The following PCDHGA4 variants were observed in gnomAD, a reference collection of about 807,000 sequenced individuals.
The protein encoded by PCDHGA4 is protocadherin gamma-A4.
PCDHGA4 carries 38 observed loss-of-function variants against 54.6 expected under a neutral mutation model. That is an observed-to-expected ratio of 0.70 (90% CI 0.54 to 0.91). The LOEUF is 0.91. PCDHGA4 is among the 40% of genes least tolerant of loss of function. The pLI is 0.00. For synonymous variants in PCDHGA4, 511 were observed against 512.9 expected (o/e 1.00, Z 0.05); for missense variants, 1,298 against 1,220.9 (o/e 1.06, Z -0.94).
chr5:141,486,869 C>G lies in PCDHGA4; in HGVS notation c.2515-7938C>G. On this transcript the variant is annotated intron_variant, in intron 1 of 3. Transcript: ENST00000571252. This position sits in a 1 kb window ranked among gnomAD's most constrained non-coding sequence, Gnocchi z 5.0. ...CCTCAATGACAATGCTCCAGCTGTG[C>G]TCCGTCCTCGGGCCCGGCCTGGTTC... The G allele has an allele frequency of 6.2e-7, 1 of 1,614,246 alleles. No homozygotes were observed. The highest frequency in any genetic ancestry group is 8.5e-7 in the Non-Finnish European group (1 of 1,180,042).
intron 1 of PCDHGA4, chr5:141,408,864 C>T: frequency 1.2e-6 from 2 of 1,613,638 alleles, no homozygotes; most frequent in Non-Finnish European, 8.5e-7. Context: ...GGGGACCCAC[C>T]AAGAAGTGCC....
At chr5:141,360,897 C>A in intron 1 of PCDHGA4, 4 of 1,614,016 alleles carry the variant, frequency 2.5e-6, no homozygotes, top group Non-Finnish European at 3.4e-6. Flanking sequence ...TGAGGGAGGA[C>A]GTGCCGCCGG....
chr5:141,432,874 G>A lies in PCDHGA4; in HGVS notation c.2515-61933G>A, dbSNP rs2097545539. 2 of 1,614,176 alleles carry A rather than the reference G, an allele frequency of 1.2e-6. No homozygotes were observed. The highest frequency in any genetic ancestry group is 1.7e-6 in the Non-Finnish European group (2 of 1,180,014). Reference sequence around the variant, plus strand: ...TGGCCGCGGTCTCCTGCGTCTTCCTGGCCTTCGTCATCTTGCTGCTGGCGC... The same window carrying A: ...TGGCCGCGGTCTCCTGCGTCTTCCTAGCCTTCGTCATCTTGCTGCTGGCGC... On this transcript the variant is annotated intron_variant, in intron 1 of 3. Transcript: ENST00000571252. This position sits in a 1 kb window ranked among gnomAD's most constrained non-coding sequence, Gnocchi z 6.0.
At chr5:141,364,174 C>T in intron 1 of PCDHGA4, 6 of 816,492 alleles carry the variant, frequency 7.3e-6, no homozygotes, top group Non-Finnish European at 1.1e-5. Flanking sequence ...CCCGACTCTG[C>T]TCCCTCCATA....
chr5:141,372,112 C>A (rs1170751793), intron 1 of PCDHGA4: 7 of 1,613,708 alleles, frequency 4.3e-6, no homozygotes, highest in South Asian at 1.1e-5. Flanking sequence ...GAAGGCTCTG[C>A]GCTCTTCGAT....
intron 1 of PCDHGA4, among the ~76,000 whole-genome samples, chr5:141,460,888 C>T (rs530320189): frequency 1.3e-5 from 2 of 149,792 alleles, no homozygotes; most frequent in East Asian, 2.0e-4. Context: ...CATGCCTTTT[C>T]GTGGCTGAGT....
rs758540898 is a variant in PCDHGA4 at position 141,400,450 on chromosome 5, A to G, written c.2514+42829A>G. The G allele has an allele frequency of 3.7e-6, 6 of 1,613,982 alleles. No homozygotes were observed. The African/African-American group carries it at 5.3e-5, about 14-fold the overall frequency. ...TGAGCAATTGAGTTCAGGACAAGAC[A>G]TACTTTGTGGTGATTCATCTGGGGC... On this transcript the variant is annotated intron_variant, in intron 1 of 3. Transcript: ENST00000571252.
In PCDHGA4 at chr5:141,487,869, G is replaced by T; in HGVS notation, c.2515-6938G>T. On this transcript the variant is annotated intron_variant, in intron 1 of 3. Transcript: ENST00000571252. This position sits in a 1 kb window ranked among gnomAD's most constrained non-coding sequence, Gnocchi z 5.0. ...AAATGAAAGTAATTGGTGATCAAGA[G>T]CCAGGCTGTTGTGGAAGCATGATGA... 1.1e-6 allele frequency: 1 copy of T among 871,620 alleles called. No individual in the cohort carries two copies. The highest frequency in any genetic ancestry group is 1.7e-6 in the Non-Finnish European group (1 of 574,346). The allele number at this position is 871,620 out of a possible 1,614,324, so 54.0% of individuals were successfully genotyped here. A position where few individuals can be genotyped will look rare whatever the true frequency, so the allele number is the denominator to read the frequency against.
intron 1 of PCDHGA4, chr5:141,428,889 C>G (rs1486441305): frequency 1.3e-5 from 2 of 150,826 alleles, no homozygotes; most frequent in African/African-American, 4.9e-5. Flanking sequence ...GAGTCTCGCT[C>G]TGTGGTCCAG....
chr5:141,389,863 TG>T, intron 1 of PCDHGA4: 2 of 1,614,064 alleles, frequency 1.2e-6, no homozygotes, highest in Non-Finnish European at 1.7e-6. Context: ...ACGTTGCACC[TG>T]GTCTTCGCCG....
At position 141,356,877 on chromosome 5, in the gene PCDHGA4, C is replaced by G. The variant is rs1285670613; in HGVS notation, c.1770C>G (p.Val590=). ...SLFVLDQNDN[V]PEILYPTFPT... ...TTGTGCTGGACCAGAACGACAATGTCCCTGAGATCCTGTACCCCACCTTCC... is the reference window on the plus strand; with the variant it reads ...TTGTGCTGGACCAGAACGACAATGTGCCTGAGATCCTGTACCCCACCTTCC... The change falls in exon 1 of 4, where the codon GTC becomes GTG. Residue 590 remains valine, a synonymous_variant. Transcript: ENST00000571252. 2.5e-6 allele frequency: 4 copies of G among 1,614,196 alleles called. No homozygotes were observed. In the South Asian group the frequency reaches 4.4e-5, roughly 18 times the overall value.
chr5:141,460,924 A>ATG (rs1333352687), intron 1 of PCDHGA4, among the ~76,000 whole-genome samples: 26 of 150,590 alleles, frequency 1.7e-4, no homozygotes, highest in South Asian at 6.3e-4. Flanking sequence ...ATATATATAT[A>ATG]TGTGTGTGTG....
At chr5:141,430,581 C>A in intron 1 of PCDHGA4, 1 of 483,436 alleles carries the variant, frequency 2.1e-6, no homozygotes, top group Non-Finnish European at 3.4e-6. Context: ...GGAGATCCTG[C>A]TCGCCTTGCA....
intron 1 of PCDHGA4, chr5:141,365,681 A>T: frequency 6.2e-7 from 1 of 1,613,224 alleles, no homozygotes. Flanking sequence ...CAACCCACCC[A>T]ATTTCCCTCA....
Position 141,491,670 on chromosome 5 carries a change from C to T in PCDHGA4, c.2515-3137C>T. The T allele has an allele frequency of 2.5e-6, 4 of 1,613,768 alleles. No individual in the cohort carries two copies. Among genetic ancestry groups the T allele is most frequent in the South Asian group, 1.1e-5 (1 of 91,082 alleles). On this transcript the variant is annotated intron_variant, in intron 1 of 3. Coordinates refer to ENST00000571252, the MANE Select transcript of PCDHGA4 (RefSeq NM_018917.4). The surrounding 1 kb of genome is among the most constrained non-coding windows in gnomAD (Gnocchi z 6.9). ...CGCTGGAGCCTGACGCCATCCGGTC[C>T]CGCTCTAATACGCTGCGGGAGCGGA...
rs564367150 is a variant in PCDHGA4 at position 141,464,990 on chromosome 5, C to T, written c.2515-29817C>T. Among the ~76,000 whole-genome samples, 147 of 152,192 alleles carry T rather than the reference C, an allele frequency of 9.7e-4. 1 individual carries two copies. Among genetic ancestry groups the T allele is most frequent in the African/African-American group, 3.5e-3 (144 of 41,536 alleles). On this transcript the variant is annotated intron_variant, in intron 1 of 3. Transcript: ENST00000571252. ...CTACTGGCTTCAAGTGATCCTCCCA[C>T]CTCAGCCTCCCAAAGTGCTAAGATT...
In PCDHGA4 at chr5:141,433,177, A is replaced by T; in HGVS notation, c.2515-61630A>T. 1.9e-6 allele frequency: 3 copies of T among 1,608,174 alleles called. No homozygotes were observed. The Middle Eastern group carries it at 5.0e-4, about 267-fold the overall frequency. Reference sequence around the variant, plus strand: ...TATTTTCTAAAGACAGTCATGGGTTAATTGAGGTGAGTTTATATCAAATCT... The same window carrying T: ...TATTTTCTAAAGACAGTCATGGGTTTATTGAGGTGAGTTTATATCAAATCT... On this transcript the variant is annotated intron_variant, in intron 1 of 3. Coordinates refer to ENST00000571252, the MANE Select transcript of PCDHGA4 (RefSeq NM_018917.4).
intron 1 of PCDHGA4, chr5:141,422,401 C>G: frequency 6.3e-7 from 1 of 1,598,896 alleles, no homozygotes; most frequent in Non-Finnish European, 8.5e-7. Context: ...TAACCACCTG[C>G]CTTTTAAATT....
At chr5:141,430,206 TTATTA>T (rs1267858049) in intron 1 of PCDHGA4, among the ~76,000 whole-genome samples, 2 of 151,984 alleles carry the variant, frequency 1.3e-5, no homozygotes, top group African/African-American at 4.8e-5. Flanking sequence ...AAAGTTTAAA[TTATTA>T]TATTATATGA....
Sources: allele counts gnomAD v4.1 joint callset (sites outside exome capture counted in the v4.1 genomes callset), GRCh38; gene constraint gnomAD v4.1.1; non-coding constraint Gnocchi (gnomAD v3.1); transcripts MANE v1.5; gene names NCBI Gene and HGNC (gene_info 2026-07-23, HGNC 2026-07-21).